The following JAKMIP1 variants were observed in gnomAD, a reference collection of about 807,000 sequenced individuals.
JAKMIP1 encodes the protein janus kinase and microtubule interacting protein 1, also known as janus kinase and microtubule-interacting protein 1.
JAKMIP1 carries 33 observed loss-of-function variants against 113.0 expected under a neutral mutation model. The observed-to-expected ratio is 0.29, with a 90% CI of 0.22 to 0.39. The LOEUF is 0.39. Ranked by LOEUF, JAKMIP1 falls within the 10% of genes least tolerant of loss-of-function variation. The pLI is 1.00. For synonymous variants in JAKMIP1, 480 were observed against 459.9 expected (o/e 1.04, Z -0.56); for missense variants, 813 against 1,080.5 (o/e 0.75, Z 3.47).
intron 1 of JAKMIP1, among the ~76,000 whole-genome samples, chr4:6,165,604 A>C (rs1314813194): frequency 6.6e-6 from 1 of 152,214 alleles, no homozygotes; most frequent in African/African-American, 2.4e-5. Flanking sequence ...CCCAGCCCTA[A>C]AGTATTTTTA....
chr4:6,126,371 G>GCACAAACACACACCATGCCGAAACACTCA (rs149868835), intron 1 of JAKMIP1, among the ~76,000 whole-genome samples: 3 of 117,594 alleles, frequency 2.6e-5, no homozygotes, highest in Admixed American at 8.9e-5. Flanking sequence ...ACACACACAT[G>GCACAAACACACACCATGCCGAAACACTCA]CACAAACACA....
Position 6,141,700 on chromosome 4 carries a change from T to C in JAKMIP1, c.-147-28703A>G, listed in dbSNP as rs571538328. ...CCAGCCCTGGTCCACAGAAGCCAGG[T>C]GGAGAAATGCAAGAGCTATTTCTGC... On this transcript the variant is annotated intron_variant, in intron 1 of 20. Coordinates refer to ENST00000409021, the MANE Select transcript of JAKMIP1 (RefSeq NM_001099433.2). The surrounding 1 kb of genome is among the most constrained non-coding windows in gnomAD (Gnocchi z 9.4). Among the ~76,000 whole-genome samples, 139 of 152,268 alleles carry C rather than the reference T, an allele frequency of 9.1e-4. No homozygotes were observed. The highest frequency in any genetic ancestry group is 3.2e-3 in the African/African-American group (131 of 41,550).
intron 1 of JAKMIP1, among the ~76,000 whole-genome samples, chr4:6,114,541 T>C (rs77228635): frequency 0.036 from 5,430 of 152,240 alleles, 246 homozygotes; most frequent in African/African-American, 0.1. Context: ...CGGGACCTGC[T>C]AGCCCTGGGG....
rs377147184 is a variant in JAKMIP1 at position 6,087,609 on chromosome 4, G to A, written c.625-1980C>T. On this transcript the variant is annotated intron_variant, in intron 3 of 20. Coordinates refer to ENST00000409021, the MANE Select transcript of JAKMIP1 (RefSeq NM_001099433.2). The stretch of plus-strand genomic sequence containing the variant: ...AGAGGTTTTCCAGCCACATACCACG[G>A]TGCTACAGTTCTGATGTGGAATTTC... Among the ~76,000 whole-genome samples, 15 of 152,258 alleles carry A rather than the reference G, an allele frequency of 9.9e-5. No homozygotes were observed. The East Asian group carries it at 2.3e-3, about 23-fold the overall frequency.
intron 1 of JAKMIP1, among the ~76,000 whole-genome samples, chr4:6,161,304 C>T (rs1420595890): frequency 2.0e-5 from 3 of 151,674 alleles, no homozygotes; most frequent in Non-Finnish European, 2.9e-5. Flanking sequence ...CTGACCTCCA[C>T]TGACTTCTAT....
At chr4:6,173,522 T>C (rs1484537081) in intron 1 of JAKMIP1, among the ~76,000 whole-genome samples, 3 of 152,200 alleles carry the variant, frequency 2.0e-5, no homozygotes, top group Non-Finnish European at 4.4e-5. Context: ...GCCTGGCCAC[T>C]AGGAACACCT....
At position 6,153,164 on chromosome 4, in the gene JAKMIP1, G is replaced by A. The variant is rs1347931351; in HGVS notation, c.-147-40167C>T. Among the ~76,000 whole-genome samples the A allele has an allele frequency of 5.9e-5, 9 of 152,214 alleles. No individual in the cohort carries two copies. Among genetic ancestry groups the A allele is most frequent in the African/African-American group, 2.2e-4 (9 of 41,532 alleles). ...AAGGCTTCAAAATCAAGCTCTACCA[G>A]ACTCTCCTGGCATCCAGCTCACCAG... On this transcript the variant is annotated intron_variant, in intron 1 of 20. Transcript: ENST00000409021. This position sits in a 1 kb window ranked among gnomAD's most constrained non-coding sequence, Gnocchi z 4.9.
At position 6,026,215 on chromosome 4, in the gene JAKMIP1, C is replaced by T. The variant is rs1050213002; in HGVS notation, c.*13G>A. 1.9e-6 allele frequency: 3 copies of T among 1,548,156 alleles called. No individual in the cohort carries two copies. Among genetic ancestry groups the T allele is most frequent in the African/African-American group, 2.8e-5 (2 of 72,660 alleles). On this transcript the variant is annotated 3_prime_UTR_variant, in exon 21 of 21. Transcript: ENST00000409021. The stretch of plus-strand genomic sequence containing the variant: ...AAAGGATACCAACCCGAGTTCTTGG[C>T]TCACTGAAGTCATCAAGGCCACAGA...
Position 6,192,162 on chromosome 4 carries a change from A to T in JAKMIP1, c.-148+8091T>A, listed in dbSNP as rs574260166. Among the ~76,000 whole-genome samples, 542 of 152,046 alleles carry T rather than the reference A, an allele frequency of 3.6e-3. 1 individual carries two copies. Among genetic ancestry groups the T allele is most frequent in the Non-Finnish European group, 6.3e-3 (428 of 67,996 alleles). ...TGGCCAGGCTGGTCTTGAACTCCTG[A>T]CCTCAGGTGATCCACCCTCCTCAGC... On this transcript the variant is annotated intron_variant, in intron 1 of 20. Transcript: ENST00000409021. This position sits in a 1 kb window ranked among gnomAD's most constrained non-coding sequence, Gnocchi z 5.0.
chr4:6,073,989 C>T (rs932459118), intron 8 of JAKMIP1, among the ~76,000 whole-genome samples: 2 of 152,228 alleles, frequency 1.3e-5, no homozygotes, highest in Non-Finnish European at 2.9e-5. Context: ...AGCCCCCTAC[C>T]CCAGTCCCCA....
At chr4:6,070,341 C>A in intron 8 of JAKMIP1, 1 of 382,866 alleles carries the variant, frequency 2.6e-6, no homozygotes, top group East Asian at 3.7e-5. Context: ...CCTGTGGACC[C>A]GTCTGCTGCA....
rs1717991599 is a variant in JAKMIP1 at position 6,065,859 on chromosome 4, G to A, written c.1303-851C>T. On this transcript the variant is annotated intron_variant, in intron 8 of 20. Transcript: ENST00000409021. This position sits in a 1 kb window ranked among gnomAD's most constrained non-coding sequence, Gnocchi z 5.1. ...GCTCCTTCTATGGGCCAGACACGGG[G>A]CAGGCCTGGGGAATACAATAGGATC... Among the ~76,000 whole-genome samples the A allele has an allele frequency of 6.6e-6, 1 of 152,162 alleles. No individual in the cohort carries two copies. Among genetic ancestry groups the A allele is most frequent in the South Asian group, 2.1e-4 (1 of 4,828 alleles).
chr4:6,066,109 G>A (rs1718038945), intron 8 of JAKMIP1, among the ~76,000 whole-genome samples: 1 of 151,952 alleles, frequency 6.6e-6, no homozygotes, highest in Non-Finnish European at 1.5e-5. Context: ...CCCAGCCCAA[G>A]GCTCTGCTGG....
Position 6,185,643 on chromosome 4 carries a change from G to A in JAKMIP1, c.-148+14610C>T, listed in dbSNP as rs1383962009. The stretch of plus-strand genomic sequence containing the variant: ...AGCCTGAGCGACAGAGGAAGACTCC[G>A]TCTCAAAAAAACAAAAGCCAGACCC... On this transcript the variant is annotated intron_variant, in intron 1 of 20. Coordinates refer to ENST00000409021, the MANE Select transcript of JAKMIP1 (RefSeq NM_001099433.2). This position sits in a 1 kb window ranked among gnomAD's most constrained non-coding sequence, Gnocchi z 5.3. 3.3e-5 allele frequency among the ~76,000 whole-genome samples: 5 copies of A among 151,908 alleles called. No homozygotes were observed. Among genetic ancestry groups the A allele is most frequent in the Non-Finnish European group, 5.9e-5 (4 of 67,974 alleles).
intron 18 of JAKMIP1, among the ~76,000 whole-genome samples, chr4:6,036,807 C>T (rs1044919307): frequency 6.6e-6 from 1 of 152,220 alleles, no homozygotes; most frequent in Non-Finnish European, 1.5e-5. Flanking sequence ...AAATCTCCAC[C>T]CACATTCCTT....
At chr4:6,087,492 CTATTT>C (rs1262698934) in intron 3 of JAKMIP1, among the ~76,000 whole-genome samples, 27 of 152,078 alleles carry the variant, frequency 1.8e-4, no homozygotes, top group South Asian at 6.3e-4. Flanking sequence ...TAACACGAGG[CTATTT>C]TATTTTAAAA....
At chr4:6,151,481 G>A (rs1219935909) in intron 1 of JAKMIP1, among the ~76,000 whole-genome samples, 3 of 152,048 alleles carry the variant, frequency 2.0e-5, no homozygotes, top group Non-Finnish European at 2.9e-5. Context: ...CTGCCCAGAA[G>A]GCCCTCTGCT....
chr4:6,095,985 G>A (rs148356407), intron 3 of JAKMIP1, among the ~76,000 whole-genome samples: 3 of 152,196 alleles, frequency 2.0e-5, no homozygotes, highest in South Asian at 2.1e-4. Context: ...TGAGTGACTC[G>A]GGGCTGGCCT....
intron 1 of JAKMIP1, among the ~76,000 whole-genome samples, chr4:6,159,971 C>T (rs908237441): frequency 6.6e-6 from 1 of 151,982 alleles, no homozygotes; most frequent in Non-Finnish European, 1.5e-5. Flanking sequence ...GAAAAGCCCA[C>T]ATCAGACACT....
Sources: allele counts gnomAD v4.1 joint callset (sites outside exome capture counted in the v4.1 genomes callset), GRCh38; gene constraint gnomAD v4.1.1; non-coding constraint Gnocchi (gnomAD v3.1); transcripts MANE v1.5; gene names NCBI Gene and HGNC (gene_info 2026-07-23, HGNC 2026-07-21).